LPCAT3: variants seen among roughly 807,000 people sequenced by gnomAD.
LPCAT3 encodes the protein lysophospholipid acyltransferase 5.
A neutral mutation model predicts 63.4 loss-of-function variants in LPCAT3; 21 were observed. The ratio of observed to expected loss-of-function variants is 0.33; its 90% CI spans 0.23 to 0.48. The LOEUF is 0.48. LPCAT3 is among the 20% of genes least tolerant of loss of function. LPCAT3 has a pLI of 0.99. For missense variants in LPCAT3, 451 were observed against 590.6 expected (o/e 0.76, Z 2.45); for synonymous variants, 242 against 227.5 (o/e 1.06, Z -0.58).
chr12:7,007,598 G>A (rs904122946), intron 1 of LPCAT3, among the ~76,000 whole-genome samples: 1 of 148,646 alleles, frequency 6.7e-6, no homozygotes, highest in African/African-American at 2.5e-5. Context: ...AGGTTCAAGC[G>A]ATTCTCCTGC....
intron 7 of LPCAT3, chr12:6,979,233 A>G (rs1270424363): frequency 1.8e-6 from 1 of 549,908 alleles, no homozygotes; most frequent in Non-Finnish European, 3.2e-6. Flanking sequence ...CGGCTCCTAG[A>G]GAAGGCAACG....
intron 1 of LPCAT3, among the ~76,000 whole-genome samples, chr12:7,004,347 T>C (rs149005803): frequency 2.6e-4 from 39 of 152,328 alleles, no homozygotes; most frequent in African/African-American, 9.1e-4. Context: ...TTCTTTAAGC[T>C]TGACATTGTA....
intron 1 of LPCAT3, among the ~76,000 whole-genome samples, chr12:6,989,307 A>G (rs1482856774): frequency 6.7e-6 from 1 of 148,232 alleles, no homozygotes; most frequent in Non-Finnish European, 1.5e-5. Flanking sequence ...GACATTCAAA[A>G]TGCGTGTTTT....
chr12:7,008,860 C>T (rs1204748784), intron 1 of LPCAT3, among the ~76,000 whole-genome samples: 1 of 152,060 alleles, frequency 6.6e-6, no homozygotes, highest in Non-Finnish European at 1.5e-5. Flanking sequence ...ACAATGTGAA[C>T]ATAATAACAA....
chr12:6,983,964 G>A (rs1337082816), intron 1 of LPCAT3, among the ~76,000 whole-genome samples: 5 of 152,064 alleles, frequency 3.3e-5, no homozygotes, highest in African/African-American at 4.8e-5. Flanking sequence ...GCAACATAGC[G>A]AAACCCCGTC....
In LPCAT3 at chr12:6,996,457, T is replaced by C. The variant is rs138265192; in HGVS notation, c.152-12918A>G. On this transcript the variant is annotated intron_variant, in intron 1 of 12. Coordinates refer to ENST00000261407, the MANE Select transcript of LPCAT3 (RefSeq NM_005768.6). ...TCTCAGTACTTATTACCTTTTGACA[T>C]ACCATATATCTTACTTTTCAGTCTT... Among the ~76,000 whole-genome samples the C allele has an allele frequency of 6.6e-5, 10 of 152,312 alleles. No individual in the cohort carries two copies. The East Asian group carries it at 1.9e-3, about 29-fold the overall frequency.
intron 1 of LPCAT3, among the ~76,000 whole-genome samples, chr12:6,996,910 T>G (rs1201495660): frequency 6.6e-6 from 1 of 152,092 alleles, no homozygotes; most frequent in Non-Finnish European, 1.5e-5. Context: ...GCATGGGGCA[T>G]TCACTCCAAG....
intron 1 of LPCAT3, among the ~76,000 whole-genome samples, chr12:7,000,404 A>G (rs1946674616): frequency 6.7e-6 from 1 of 149,904 alleles, no homozygotes; most frequent in Non-Finnish European, 1.5e-5. Flanking sequence ...TGGCTAACAC[A>G]GTGACGCCCC....
intron 7 of LPCAT3, chr12:6,979,221 AG>A (rs1946443886): frequency 7.5e-6 from 4 of 534,400 alleles, no homozygotes; most frequent in Non-Finnish European, 1.3e-5. Flanking sequence ...GCAAGCTAGG[AG>A]CGGCTCCTAG....
chr12:6,991,837 G>A (rs1281594025), intron 1 of LPCAT3, among the ~76,000 whole-genome samples: 4 of 152,112 alleles, frequency 2.6e-5, no homozygotes, highest in Non-Finnish European at 4.4e-5. Context: ...GACAACCACC[G>A]TACTCTACCA....
At chr12:6,980,750 G>C (rs1357078350) in intron 6 of LPCAT3, 27 of 329,690 alleles carry the variant, frequency 8.2e-5, no homozygotes, top group Non-Finnish European at 1.6e-5. Context: ...AGGCAGAAAT[G>C]TGACTGGTTC....
In LPCAT3 at chr12:6,977,487, C is replaced by G. The variant is rs782383008; in HGVS notation, c.1227G>C (p.Lys409Asn). ...GCTGGAGGACAGTAATGGCGGCCAG[C>G]TTGCTCAGGGTGGGGCTCTCTTGAA... ...RLIQESPTLS[K>N]LAAITVLQPF... Residue 409 changes from lysine (K) to asparagine (N), a missense_variant, in exon 11 of 13, where the codon AAG becomes AAC. Around this residue, in one of 3 missense-constraint regions of LPCAT3, gnomAD observed 304 missense variants for 390.8 expected, o/e 0.78. Coordinates refer to ENST00000261407, the MANE Select transcript of LPCAT3 (RefSeq NM_005768.6). The surrounding 1 kb of genome is among the most constrained non-coding windows in gnomAD (Gnocchi z 4.5). 6.2e-7 allele frequency: 1 copy of G among 1,614,192 alleles called. No homozygotes were observed. The highest frequency in any genetic ancestry group is 1.1e-5 in the South Asian group (1 of 91,084).
chr12:7,010,677 T>C (rs989124483), intron 1 of LPCAT3, among the ~76,000 whole-genome samples: 1 of 152,210 alleles, frequency 6.6e-6, no homozygotes, highest in African/African-American at 2.4e-5. Flanking sequence ...ATTATATAAT[T>C]TTTTTTGTAA....
Position 7,017,981 on chromosome 12 carries a change from G to A in LPCAT3, c.151+293C>T, listed in dbSNP as rs1946806587. Among the ~76,000 whole-genome samples the A allele has an allele frequency of 6.6e-6, 1 of 152,234 alleles. No homozygotes were observed. The highest frequency in any genetic ancestry group is 1.5e-5 in the Non-Finnish European group (1 of 68,048). ...TCAACAGAGCGACAAATAAAGACAGGTCGTGGGAGCAAGGGTAGAGCCTGG... is the reference window on the plus strand; with the variant it reads ...TCAACAGAGCGACAAATAAAGACAGATCGTGGGAGCAAGGGTAGAGCCTGG... On this transcript the variant is annotated intron_variant, in intron 1 of 12. Transcript: ENST00000261407. This position sits in a 1 kb window ranked among gnomAD's most constrained non-coding sequence, Gnocchi z 4.1.
In LPCAT3 at chr12:6,978,709, G is replaced by GGGATTATCTAA; in HGVS notation, c.787-21_787-20insTTAGATAATCC. 1.2e-6 allele frequency: 2 copies of GGGATTATCTAA among 1,612,998 alleles called. No homozygotes were observed. The highest frequency in any genetic ancestry group is 2.2e-5 in the South Asian group (2 of 90,852). On this transcript the variant is annotated intron_variant, in intron 7 of 12. Coordinates refer to ENST00000261407, the MANE Select transcript of LPCAT3 (RefSeq NM_005768.6). ...GTGGTTCTTGAGGGAAGAAAGCACA[G>GGGATTATCTAA]TGCATTAGGGATATCACATGACTAG...
intron 1 of LPCAT3, among the ~76,000 whole-genome samples, chr12:6,996,774 A>G (rs929407800): frequency 4.6e-5 from 7 of 152,224 alleles, no homozygotes; most frequent in Non-Finnish European, 8.8e-5. Flanking sequence ...GGAATAGCCA[A>G]TGTTGTAGAG....
At chr12:6,985,359 G>A (rs1946512700) in intron 1 of LPCAT3, among the ~76,000 whole-genome samples, 2 of 151,886 alleles carry the variant, frequency 1.3e-5, no homozygotes, top group Non-Finnish European at 2.9e-5. Flanking sequence ...TGGCACCACT[G>A]CACTCCAGCC....
chr12:6,988,842 G>GTT (rs1470162626), intron 1 of LPCAT3, among the ~76,000 whole-genome samples: 21 of 152,040 alleles, frequency 1.4e-4, no homozygotes. Flanking sequence ...GTAAGAACTT[G>GTT]TTGGCCGGGC....
intron 1 of LPCAT3, among the ~76,000 whole-genome samples, chr12:7,002,396 GGGTTGCCCAAA>G (rs1265126733): frequency 6.6e-6 from 1 of 152,132 alleles, no homozygotes; most frequent in Non-Finnish European, 1.5e-5. Flanking sequence ...AATCTGGACT[GGGTTGCCCAAA>G]GGTTGCCCTG....
Sources: allele counts gnomAD v4.1 joint callset (sites outside exome capture counted in the v4.1 genomes callset), GRCh38; gene constraint gnomAD v4.1.1; regional missense constraint gnomAD v4.1.1; non-coding constraint Gnocchi (gnomAD v3.1); transcripts MANE v1.5; gene names NCBI Gene and HGNC (gene_info 2026-07-23, HGNC 2026-07-21).